FAM13B: variants seen among roughly 807,000 people sequenced by gnomAD.
The protein encoded by FAM13B is family with sequence similarity 13 member B.
A neutral mutation model predicts 117.3 loss-of-function variants in FAM13B; 60 were observed. The observed-to-expected ratio is 0.51, with a 90% CI of 0.42 to 0.63. The LOEUF (loss-of-function observed/expected upper bound fraction) is 0.63. FAM13B is among the 30% of genes least tolerant of loss of function. The pLI is 0.00. For synonymous variants in FAM13B, 332 were observed against 356.1 expected (o/e 0.93, Z 0.76); for missense variants, 972 against 1,091.9 (o/e 0.89, Z 1.55).
At chr5:138,036,005 T>G (rs1327323485), upstream of FAM13B, among the ~76,000 whole-genome samples, 1 of 152,196 alleles carries the variant, frequency 6.6e-6, no homozygotes, top group East Asian at 1.9e-4. Flanking sequence ...CTCCAACTAC[T>G]TGTCTGTTGA....
Position 138,023,712 on chromosome 5 carries a change from G to A in FAM13B, c.-202-2515C>T, listed in dbSNP as rs183166145. Among the ~76,000 whole-genome samples, 3 of 152,196 alleles carry A rather than the reference G, an allele frequency of 2.0e-5. No homozygotes were observed. The East Asian group carries it at 5.8e-4, about 29-fold the overall frequency. Reference sequence around the variant, plus strand: ...GCCTCTTGAGTAGCTAGGACTACAGGCGTGGGCCACCACACCCGGCTAATT... The same window carrying A: ...GCCTCTTGAGTAGCTAGGACTACAGACGTGGGCCACCACACCCGGCTAATT... On this transcript the variant is annotated intron_variant, in intron 1 of 23. Coordinates refer to ENST00000689681, the MANE Select transcript of FAM13B (RefSeq NM_001385994.1).
intron 6 of FAM13B, among the ~76,000 whole-genome samples, chr5:138,010,491 G>A (rs919091532): frequency 3.9e-5 from 6 of 152,118 alleles, no homozygotes; most frequent in Admixed American, 3.9e-4. Context: ...CTCAGAAAGA[G>A]ATTTTAATAT....
intron 1 of FAM13B, among the ~76,000 whole-genome samples, 161 bp downstream of exon 1, chr5:138,032,620 TC>T (rs766849739): frequency 6.6e-6 from 1 of 152,094 alleles, no homozygotes; most frequent in Non-Finnish European, 1.5e-5. Context: ...GGGGGCCCTC[TC>T]CACGGAACGC....
intron 17 of FAM13B, 76 bp downstream of exon 17, chr5:137,952,552 G>T: frequency 3.3e-6 from 3 of 906,830 alleles, no homozygotes; most frequent in African/African-American, 1.7e-5. Flanking sequence ...ATCAAAAGTT[G>T]TATTTGTGAT....
Position 138,021,019 on chromosome 5 carries a change from T to G in FAM13B, c.-36+12A>C. On this transcript the variant is annotated intron_variant, in intron 2 of 23. Coordinates refer to ENST00000689681, the MANE Select transcript of FAM13B (RefSeq NM_001385994.1). ...TATAGAGCACGAGATAGTTACCATT[T>G]TGAAAACTTACCTTTCAGTACTTAA... 2.4e-6 allele frequency: 3 copies of G among 1,230,616 alleles called. No individual in the cohort carries two copies. The highest frequency in any genetic ancestry group is 3.0e-6 in the Non-Finnish European group (3 of 987,340). 76.2% of individuals were successfully genotyped at this position (1,230,616 alleles called of 1,614,324 possible). A position where few individuals can be genotyped will look rare whatever the true frequency, so the allele number is the denominator to read the frequency against.
chr5:137,948,868 C>A (rs1764144257), intron 18 of FAM13B, 87 bp downstream of exon 18: 21 of 996,332 alleles, frequency 2.1e-5, no homozygotes, highest in Non-Finnish European at 2.9e-5. Flanking sequence ...AATCAGACTA[C>A]CTAGACATCT....
intron 1 of FAM13B, 96 bp downstream of exon 1, chr5:138,032,686 G>A (rs1790458919): frequency 1.4e-5 from 14 of 977,020 alleles, no homozygotes; most frequent in African/African-American, 3.5e-5. Context: ...AGCAGGCGCG[G>A]GTGGCAGGCG....
intron 19 of FAM13B, 57 bp from the exon 20 acceptor site, chr5:137,946,054 C>G: frequency 2.1e-6 from 3 of 1,440,436 alleles, no homozygotes; most frequent in Non-Finnish European, 2.9e-6. Flanking sequence ...ATGTCCAAAA[C>G]ATTAAACAAT....
intron 23 of FAM13B, 74 bp from the exon 24 acceptor site, chr5:137,940,422 G>T: frequency 2.1e-6 from 2 of 942,904 alleles, no homozygotes; most frequent in South Asian, 1.7e-5. Context: ...GTCTTAATAT[G>T]AGACATACTG....
In FAM13B at chr5:137,988,217, C is replaced by T. The variant is rs562015193; in HGVS notation, c.890+57G>A. 233 of 1,278,736 alleles carry T rather than the reference C, an allele frequency of 1.8e-4. No homozygotes were observed. The African/African-American group carries it at 3.2e-3, about 18-fold the overall frequency. 79.2% of individuals were successfully genotyped at this position (1,278,736 alleles called of 1,614,324 possible). On this transcript the variant is annotated intron_variant, in intron 8 of 23. Coordinates refer to ENST00000689681, the MANE Select transcript of FAM13B (RefSeq NM_001385994.1). ...CACAAGTACATTATTTTCATTTCTA[C>T]AGCTTAGTAGTATTTTAAAATCTTA...
chr5:137,950,566 C>A (rs1764674712), intron 17 of FAM13B, among the ~76,000 whole-genome samples: 1 of 152,106 alleles, frequency 6.6e-6, no homozygotes, highest in Non-Finnish European at 1.5e-5. Context: ...CAGGGTCTTG[C>A]CCTGTCACCC....
At chr5:137,968,261 A>C (rs922700405) in intron 10 of FAM13B, among the ~76,000 whole-genome samples, 5 of 150,348 alleles carry the variant, frequency 3.3e-5, no homozygotes, top group African/African-American at 1.2e-4. Flanking sequence ...GTCACAATGT[A>C]AGTTTCCACT....
In FAM13B at chr5:137,987,696, T is replaced by C; in HGVS notation, c.891-80A>G. On this transcript the variant is annotated intron_variant, in intron 8 of 23. Coordinates refer to ENST00000689681, the MANE Select transcript of FAM13B (RefSeq NM_001385994.1). ...ACACAGACATAAATGCTAAAACCTA[T>C]GACCAGTAAAACTATTATGGTACTT... The C allele has an allele frequency of 2.9e-6, 4 of 1,370,576 alleles. No individual in the cohort carries two copies. The South Asian group carries it at 6.0e-5, about 21-fold the overall frequency. The allele number at this position is 1,370,576 out of a possible 1,614,324, so 84.9% of individuals were successfully genotyped here.
At chr5:138,036,142 A>G (rs1791136781), upstream of FAM13B, 1 of 341,128 alleles carries the variant, frequency 2.9e-6, no homozygotes, top group Non-Finnish European at 5.8e-6. Context: ...GGTGCCATTC[A>G]CATCATTCTC....
Position 137,954,392 on chromosome 5 carries a change from A to G in FAM13B, c.1508-16T>C, listed in dbSNP as rs776749403. 8.1e-6 allele frequency: 13 copies of G among 1,604,310 alleles called. No individual in the cohort carries two copies. Among genetic ancestry groups the G allele is most frequent in the Non-Finnish European group, 9.4e-6 (11 of 1,173,582 alleles). On this transcript the variant is annotated splice_polypyrimidine_tract_variant and intron_variant, in intron 14 of 23. Transcript: ENST00000689681. ...GGAAATGGCTCTATAAAACAAACAC[A>G]AAGAATAGTACCATGGGTCTCTTGA... is the stretch of plus-strand genomic sequence containing the variant.
intron 7 of FAM13B, among the ~76,000 whole-genome samples, chr5:138,000,267 T>C (rs897901517): frequency 6.6e-6 from 1 of 152,108 alleles, no homozygotes; most frequent in African/African-American, 2.4e-5. Flanking sequence ...GGCATGGTGC[T>C]GCATGCCTGT....
At chr5:138,017,405 G>A (rs1731914811) in intron 4 of FAM13B, among the ~76,000 whole-genome samples, 1 of 152,176 alleles carries the variant, frequency 6.6e-6, no homozygotes, top group African/African-American at 2.4e-5. Flanking sequence ...ATGCCCAGCT[G>A]TGATAGAGAT....
At chr5:137,965,457 C>T (rs960020289) in intron 10 of FAM13B, among the ~76,000 whole-genome samples, 2 of 152,174 alleles carry the variant, frequency 1.3e-5, no homozygotes, top group Non-Finnish European at 2.9e-5. Context: ...TCCGGTAATT[C>T]CTCTGGTCTC....
At chr5:138,051,062 A>T (rs1486307062) in intron 1 of FAM13B, among the ~76,000 whole-genome samples, 5 of 152,132 alleles carry the variant, frequency 3.3e-5, no homozygotes, top group Non-Finnish European at 7.4e-5. Context: ...ACTTCACCCT[A>T]ATCTTCCTCT....
Sources: allele counts gnomAD v4.1 joint callset (sites outside exome capture counted in the v4.1 genomes callset), GRCh38; gene constraint gnomAD v4.1.1; transcripts MANE v1.5; gene names NCBI Gene and HGNC (gene_info 2026-07-23, HGNC 2026-07-21).